Variants in VTI1A observed in about 807,000 individuals in gnomAD.
VTI1A encodes the protein vesicle transport through interaction with t-SNAREs homolog 1A.
Under a neutral mutation model 34.9 loss-of-function variants are expected in VTI1A, and 22 were observed. The ratio of observed to expected loss-of-function variants is 0.63; its 90% confidence interval spans 0.45 to 0.90. The LOEUF (loss-of-function observed/expected upper bound fraction) is 0.90. Ranked by LOEUF, VTI1A falls within the 40% of genes least tolerant of loss-of-function variation. The probability of loss-of-function intolerance (pLI) is 0.00; values close to 1 mark genes in which losing one functional copy is unlikely to be tolerated. For missense variants in VTI1A, 268 were observed against 275.6 expected, an observed-to-expected ratio of 0.97 and a Z score of 0.20; for synonymous variants, 87 against 97.3, an observed-to-expected ratio of 0.89 and a Z score of 0.62.
intron 5 of VTI1A, among the ~76,000 whole-genome samples, chr10:112,635,204 A>G (rs565070217): frequency 6.6e-6 from 1 of 152,354 alleles, no homozygotes; most frequent in African/African-American, 2.4e-5. Context: ...TTACTCTGGT[A>G]AAGAGGATAA....
chr10:112,488,346 A>G (rs944029316), intron 3 of VTI1A, among the ~76,000 whole-genome samples: 3 of 152,204 alleles, frequency 2.0e-5, no homozygotes, highest in South Asian at 2.1e-4. Context: ...TATTCTAGAA[A>G]AATTGAAATA....
intron 5 of VTI1A, among the ~76,000 whole-genome samples, chr10:112,635,237 A>G (rs931826541): frequency 4.6e-5 from 7 of 152,212 alleles, no homozygotes; most frequent in African/African-American, 1.7e-4. Context: ...AATCTTGTGG[A>G]GATGAGACAG....
chr10:112,455,092 G>A (rs1160411439), intron 1 of VTI1A, among the ~76,000 whole-genome samples: 1 of 150,740 alleles, frequency 6.6e-6, no homozygotes, highest in Non-Finnish European at 1.5e-5. Flanking sequence ...TGTAAATGTT[G>A]CCAGGTTACC....
intron 7 of VTI1A, among the ~76,000 whole-genome samples, chr10:112,743,426 GTGGCTGGGGC>G (rs1216078092): frequency 1.3e-5 from 2 of 152,182 alleles, no homozygotes; most frequent in East Asian, 3.8e-4. Flanking sequence ...CTTCCACTTT[GTGGCTGGGGC>G]TGGCTGTGTA....
chr10:112,824,994 G>C, the VTI1A span: 1 of 152,280 alleles, frequency 6.6e-6, no homozygotes, highest in Admixed American at 6.5e-5. Context: ...CCAGGATGCA[G>C]GGCTGGTGTC....
At chr10:112,507,684 A>C (rs1589842291) in intron 3 of VTI1A, among the ~76,000 whole-genome samples, 1 of 152,298 alleles carries the variant, frequency 6.6e-6, no homozygotes, top group East Asian at 1.9e-4. Flanking sequence ...CACATGACCC[A>C]GGGGGCATCT....
chr10:112,643,798 G>A lies in VTI1A; in HGVS notation c.428-24420G>A, dbSNP rs559073037. On this transcript the variant is annotated intron_variant, in intron 5 of 7. Coordinates refer to ENST00000393077, the MANE Select transcript of VTI1A (RefSeq NM_145206.4). The stretch of plus-strand genomic sequence containing the variant: ...TAACTAGCCGAATTAGGAAAATGCT[G>A]TAAACATTGCATCACTGTTGACATT... 3.9e-5 allele frequency among the ~76,000 whole-genome samples: 6 copies of A among 152,258 alleles called. No homozygotes were observed. The East Asian group carries it at 1.2e-3, about 29-fold the overall frequency.
intron 7 of VTI1A, among the ~76,000 whole-genome samples, chr10:112,688,953 C>G (rs1848524651): frequency 6.6e-6 from 1 of 152,058 alleles, no homozygotes; most frequent in South Asian, 2.1e-4. Context: ...GTGTGGTTGA[C>G]ATTAATTTGG....
chr10:112,623,988 G>T (rs962821957), intron 5 of VTI1A, among the ~76,000 whole-genome samples: 6 of 152,204 alleles, frequency 3.9e-5, no homozygotes, highest in Non-Finnish European at 8.8e-5. Flanking sequence ...TTCAGCCTCG[G>T]CTCCCAGTTG....
At chr10:112,750,017 G>A (rs925510987) in intron 7 of VTI1A, among the ~76,000 whole-genome samples, 12 of 152,156 alleles carry the variant, frequency 7.9e-5, no homozygotes, top group Non-Finnish European at 1.5e-4. Context: ...TGTAGTAAAA[G>A]TATAAAAACA....
intron 4 of VTI1A, among the ~76,000 whole-genome samples, chr10:112,534,787 CAT>C (rs1371343053): frequency 6.6e-6 from 1 of 152,032 alleles, no homozygotes; most frequent in Non-Finnish European, 1.5e-5. Flanking sequence ...TGAGGGATAA[CAT>C]AAATATTATT....
chr10:112,565,580 T>C (rs1851879822), intron 5 of VTI1A, among the ~76,000 whole-genome samples: 1 of 152,206 alleles, frequency 6.6e-6, no homozygotes, highest in Admixed American at 6.5e-5. Context: ...TTTTAAACCC[T>C]TATTTACAAC....
intron 4 of VTI1A, among the ~76,000 whole-genome samples, chr10:112,531,478 CAAAGAAA>C (rs1305188995): frequency 2.6e-4 from 10 of 38,208 alleles, no homozygotes; most frequent in Non-Finnish European, 5.7e-4. Flanking sequence ...CCGGCCTAAG[CAAAGAAA>C]AAAAAAAAAA....
intron 4 of VTI1A, 75 bp downstream of exon 4, chr10:112,527,239 C>T: frequency 7.5e-7 from 1 of 1,340,734 alleles, no homozygotes; most frequent in South Asian, 1.2e-5. Context: ...GGCTCTCAAG[C>T]TGCTCCTTAA....
At chr10:112,764,934 G>T (rs1851596394) in intron 7 of VTI1A, among the ~76,000 whole-genome samples, 1 of 152,058 alleles carries the variant, frequency 6.6e-6, no homozygotes, top group Non-Finnish European at 1.5e-5. Flanking sequence ...AATGACTAAG[G>T]GTGGCATTGC....
intron 2 of VTI1A, among the ~76,000 whole-genome samples, chr10:112,461,316 C>T (rs149110126): frequency 0.01 from 1,589 of 152,292 alleles, 21 homozygotes; most frequent in African/African-American, 0.036. Flanking sequence ...CTGAGCTCCC[C>T]GCAAACCCAA....
At chr10:112,737,462 C>T in intron 7 of VTI1A, 1 of 1,045,656 alleles carries the variant, frequency 9.6e-7, no homozygotes, top group Non-Finnish European at 1.2e-6. Flanking sequence ...AATAATAAGG[C>T]TGAATTTTTA....
At chr10:112,534,335 A>G (rs766120620) in intron 4 of VTI1A, among the ~76,000 whole-genome samples, 1 of 152,124 alleles carries the variant, frequency 6.6e-6, no homozygotes, top group Non-Finnish European at 1.5e-5. Flanking sequence ...TCTTTTTTAG[A>G]GATAGTCATA....
chr10:112,532,752 C>T (rs1850490917), intron 4 of VTI1A, among the ~76,000 whole-genome samples: 1 of 151,986 alleles, frequency 6.6e-6, no homozygotes, highest in Non-Finnish European at 1.5e-5. Flanking sequence ...GAAGTAAGAG[C>T]TCATTGCCAG....
Sources: gnomAD v4.1 joint callset for allele counts (sites outside exome capture counted in the v4.1 genomes callset) on GRCh38, gnomAD v4.1.1 for gene constraint, MANE v1.5 for transcripts, NCBI Gene and HGNC (gene_info 2026-07-23, HGNC 2026-07-21) for gene names.